The following CFAP77 variants were observed in gnomAD, a reference collection of about 807,000 sequenced individuals.
The protein encoded by CFAP77 is cilia and flagella associated protein 77, also known as cilia- and flagella-associated protein 77.
CFAP77 carries 25 observed loss-of-function variants against 31.1 expected under a neutral mutation model. That is an observed-to-expected ratio of 0.80 (90% CI 0.59 to 1.12). The LOEUF is 1.12. Ranked by LOEUF, CFAP77 falls within the 50% of genes most tolerant of loss-of-function variation. The probability of loss-of-function intolerance (pLI) is 0.00; values close to 1 mark genes in which losing one functional copy is unlikely to be tolerated. For synonymous variants in CFAP77, 151 were observed against 159.9 expected (o/e 0.94, Z 0.42); for missense variants, 377 against 397.3 (o/e 0.95, Z 0.44).
chr9:132,444,512 C>T (rs1201988036), intron 1 of CFAP77, among the ~76,000 whole-genome samples: 1 of 152,098 alleles, frequency 6.6e-6, no homozygotes, highest in Non-Finnish European at 1.5e-5. Flanking sequence ...CCTCCAGGGC[C>T]CCACAGGTTC....
chr9:132,444,330 T>C (rs954999065), intron 1 of CFAP77, among the ~76,000 whole-genome samples: 4 of 152,254 alleles, frequency 2.6e-5, no homozygotes, highest in Admixed American at 6.5e-5. Context: ...TGGAAAGATA[T>C]CTGCATAATC....
intron 3 of CFAP77, among the ~76,000 whole-genome samples, chr9:132,533,476 C>A (rs1416081373): frequency 1.3e-5 from 2 of 152,246 alleles, no homozygotes; most frequent in African/African-American, 4.8e-5. Context: ...GCCGAGGACG[C>A]TTCCTGCCTC....
chr9:132,508,439 C>T (rs531925576), intron 3 of CFAP77, among the ~76,000 whole-genome samples: 4 of 152,264 alleles, frequency 2.6e-5, no homozygotes, highest in Non-Finnish European at 4.4e-5. Flanking sequence ...AGGGAGCCGT[C>T]AGGATGATGG....
In CFAP77 at chr9:132,418,217, G is replaced by A. The variant is rs190073896; in HGVS notation, c.195+7751G>A. On this transcript the variant is annotated intron_variant, in intron 1 of 5. Transcript: ENST00000393216. ...AGTTTTGCTCCCCAGGGAACACTGGGCCACGTCTGGAGACATTTTTGGTTA... is the reference window on the plus strand; with the variant it reads ...AGTTTTGCTCCCCAGGGAACACTGGACCACGTCTGGAGACATTTTTGGTTA... Among the ~76,000 whole-genome samples the A allele has an allele frequency of 2.9e-3, 444 of 152,372 alleles. 2 individuals carry two copies. Among genetic ancestry groups the A allele is most frequent in the African/African-American group, 9.9e-3 (411 of 41,586 alleles).
At chr9:132,546,019 G>A (rs911823674) in intron 5 of CFAP77, among the ~76,000 whole-genome samples, 3 of 152,148 alleles carry the variant, frequency 2.0e-5, no homozygotes, top group Admixed American at 6.5e-5. Context: ...CCCCAGGACC[G>A]TGCCTGTCAG....
At chr9:132,550,425 T>A (rs1263388083) in intron 5 of CFAP77, among the ~76,000 whole-genome samples, 2 of 151,692 alleles carry the variant, frequency 1.3e-5, no homozygotes, top group Admixed American at 6.6e-5. Context: ...CTAGCTCATC[T>A]CCAGGAGAAT....
At chr9:132,520,963 A>G (rs527333344) in intron 3 of CFAP77, among the ~76,000 whole-genome samples, 25 of 152,348 alleles carry the variant, frequency 1.6e-4, no homozygotes, top group African/African-American at 5.8e-4. Context: ...ACAGAAGCAC[A>G]GATGTTCCCA....
Position 132,537,665 on chromosome 9 carries a change from A to G in CFAP77, c.589A>G (p.Lys197Glu), listed in dbSNP as rs761966206. The change falls in exon 4 of 6, where the codon AAG (lysine) becomes GAG (glutamate). Residue 197 changes from lysine to glutamate, a missense_variant. Lys to Glu is a moderately conservative substitution (Grantham distance 56). Coordinates refer to ENST00000393216, the MANE Select transcript of CFAP77 (RefSeq NM_001282957.2). ...CCTGCAGCTGTGGGTACAGGAACAA[A>G]AGGCCACCCAGAAAGCCATCAAACT... The part of the protein sequence containing the change: ...RYLQLWVQEQ[K>E]ATQKAIKLEK... 6.2e-7 allele frequency: 1 copy of G among 1,613,548 alleles called. No individual in the cohort carries two copies. Among genetic ancestry groups the G allele is most frequent in the Non-Finnish European group, 8.5e-7 (1 of 1,179,732 alleles).
Position 132,565,647 on chromosome 9 carries a change from A to G in CFAP77, c.733-6741A>G, listed in dbSNP as rs1045234935. On this transcript the variant is annotated intron_variant, in intron 5 of 5. Coordinates refer to ENST00000393216, the MANE Select transcript of CFAP77 (RefSeq NM_001282957.2). This position sits in a 1 kb window ranked among gnomAD's most constrained non-coding sequence, Gnocchi z 4.1. ...ACCCCTTCTTAAAAAAAAAAAGAAG[A>G]TAGCTCTTGTCTAAATGTCACAAAC... Among the ~76,000 whole-genome samples, 2 of 151,956 alleles carry G rather than the reference A, an allele frequency of 1.3e-5. No individual in the cohort carries two copies. Among genetic ancestry groups the G allele is most frequent in the Non-Finnish European group, 2.9e-5 (2 of 67,988 alleles).
chr9:132,478,719 A>C (rs1021004480), intron 1 of CFAP77, among the ~76,000 whole-genome samples: 5 of 152,210 alleles, frequency 3.3e-5, no homozygotes, highest in Non-Finnish European at 4.4e-5. Context: ...GGAGATGCTC[A>C]TCTCAGCCTA....
intron 1 of CFAP77, among the ~76,000 whole-genome samples, chr9:132,493,922 T>C (rs1851694908): frequency 6.6e-6 from 1 of 151,924 alleles, no homozygotes. Flanking sequence ...TTTCTCTCTC[T>C]TTCTTTTTTT....
At position 132,517,664 on chromosome 9, in the gene CFAP77, T is replaced by C. The variant is rs1303124787; in HGVS notation, c.524+18064T>C. Among the ~76,000 whole-genome samples, 5 of 152,208 alleles carry C rather than the reference T, an allele frequency of 3.3e-5. No homozygotes were observed. Among genetic ancestry groups the C allele is most frequent in the African/African-American group, 4.8e-5 (2 of 41,440 alleles). ...ACAAAGTTTTAATGAGCAGCGAAGA[T>C]GAAGATGGGTTGCCATGAAAGGGCC... On this transcript the variant is annotated intron_variant, in intron 3 of 5. Coordinates refer to ENST00000393216, the MANE Select transcript of CFAP77 (RefSeq NM_001282957.2). The surrounding 1 kb of genome is among the most constrained non-coding windows in gnomAD (Gnocchi z 4.7).
At position 132,497,445 on chromosome 9, in the gene CFAP77, C is replaced by CGCCTGTG. The variant is rs540192360; in HGVS notation, c.196-1227_196-1221dup. Among the ~76,000 whole-genome samples the CGCCTGTG allele has an allele frequency of 2.6e-5, 4 of 152,188 alleles. No homozygotes were observed. The highest frequency in any genetic ancestry group is 7.2e-5 in the African/African-American group (3 of 41,452). Reference sequence around the variant, plus strand: ...TAACACCCTGTGACTTCGAAACCACCGCCTGTGGCCTGTGGCCTGTGGCCT... The same window carrying CGCCTGTG: ...TAACACCCTGTGACTTCGAAACCACCGCCTGTGGCCTGTGGCCTGTGGCCTGTGGCCT... On this transcript the variant is annotated intron_variant, in intron 1 of 5. Coordinates refer to ENST00000393216, the MANE Select transcript of CFAP77 (RefSeq NM_001282957.2). This position sits in a 1 kb window ranked among gnomAD's most constrained non-coding sequence, Gnocchi z 4.9.
chr9:132,459,803 G>A (rs2131724094), intron 1 of CFAP77, among the ~76,000 whole-genome samples: 1 of 150,454 alleles, frequency 6.6e-6, no homozygotes, highest in South Asian at 2.1e-4. Flanking sequence ...TGAGAGCGAT[G>A]TGTGTATGTG....
At chr9:132,457,327 A>AAGG (rs1401218267) in intron 1 of CFAP77, among the ~76,000 whole-genome samples, 4 of 151,994 alleles carry the variant, frequency 2.6e-5, no homozygotes, top group African/African-American at 4.8e-5. Context: ...CGGGGGGAGA[A>AAGG]AGGATTAAAA....
rs143242576 is a variant in CFAP77, at chr9:132,410,392, A to C, written c.121A>C (p.Ile41Leu). 1.2e-6 allele frequency: 2 copies of C among 1,601,416 alleles called. No homozygotes were observed. Among genetic ancestry groups the C allele is most frequent in the East Asian group, 2.3e-5 (1 of 43,272 alleles). Residue 41 changes from isoleucine (I) to leucine (L), a missense_variant, in exon 1 of 6, where the codon ATC becomes CTC. Physicochemically the swap from Ile to Leu is conservative, Grantham distance 5. Transcript: ENST00000393216. ...GCGGCGGCCCCTGACCGTGGCGGAC[A>C]TCCGTTCCGGCATGGAGAACGAGCG... ...PPRRPLTVAD[I>L]RSGMENERLG...
At chr9:132,465,718 T>C (rs1851141635) in intron 1 of CFAP77, among the ~76,000 whole-genome samples, 1 of 152,214 alleles carries the variant, frequency 6.6e-6, no homozygotes, top group African/African-American at 2.4e-5. Context: ...AGACTACCCA[T>C]AACGTTTTCT....
At chr9:132,457,681 G>C (rs1589861355) in intron 1 of CFAP77, among the ~76,000 whole-genome samples, 1 of 152,352 alleles carries the variant, frequency 6.6e-6, no homozygotes, top group East Asian at 1.9e-4. Flanking sequence ...GCGTGCCATC[G>C]GGGCAGGGCC....
chr9:132,526,322 C>T (rs113629822), intron 3 of CFAP77, among the ~76,000 whole-genome samples: 15 of 151,910 alleles, frequency 9.9e-5, no homozygotes, highest in East Asian at 3.9e-4. Flanking sequence ...CTCCGCCTCC[C>T]GGGTTCATGC....
Sources: allele counts gnomAD v4.1 joint callset (sites outside exome capture counted in the v4.1 genomes callset), GRCh38; gene constraint gnomAD v4.1.1; non-coding constraint Gnocchi (gnomAD v3.1); transcripts MANE v1.5; gene names NCBI Gene and HGNC (gene_info 2026-07-23, HGNC 2026-07-21).